SIGLEC1: variants seen among roughly 807,000 people sequenced by gnomAD.
SIGLEC1 encodes the protein sialoadhesin.
A neutral mutation model predicts 148.0 loss-of-function variants in SIGLEC1; 132 were observed. That is an observed-to-expected ratio of 0.89 (90% confidence interval 0.77 to 1.03). The LOEUF (loss-of-function observed/expected upper bound fraction) is 1.03. SIGLEC1 is among the 50% of genes least tolerant of loss of function. The probability of loss-of-function intolerance (pLI) is 0.00; values close to 1 mark genes in which losing one functional copy is unlikely to be tolerated. For missense variants in SIGLEC1, 2,253 were observed against 2,271.4 expected (o/e 0.99, Z 0.16); for synonymous variants, 945 against 969.0 (o/e 0.98, Z 0.46).
At chr20:3,706,984 A>C in intron 2 of SIGLEC1, 96 bp downstream of exon 2, 2 of 1,371,224 alleles carry the variant, frequency 1.5e-6, no homozygotes, top group Non-Finnish European at 2.1e-6. Flanking sequence ...TGACCTCAGC[A>C]ACCAAACATG....
chr20:3,691,805 C>G (rs1449711130), intron 17 of SIGLEC1, 98 bp downstream of exon 17: 1 of 1,430,548 alleles, frequency 7.0e-7, no homozygotes, highest in Non-Finnish European at 9.5e-7. Flanking sequence ...AGAGCTTTCT[C>G]AGACCAGACA....
chr20:3,697,208 G>A lies in SIGLEC1; in HGVS notation c.2257C>T (p.Gln753Ter), dbSNP rs1359036149. ...AGTGTCACGGTCTCCAGGGGACCCTGGGCCCACAGCACCCCATTTCGGAAC... is the reference window on the plus strand; with the variant it reads ...AGTGTCACGGTCTCCAGGGGACCCTAGGCCCACAGCACCCCATTTCGGAAC... ...SWFRNGVLWA[Q>*]GPLETVTLLP... The change falls in exon 10 of 22, where the codon CAG becomes TAG. Residue 753 changes from glutamine to a stop codon, truncating the protein, a stop_gained. Coordinates refer to ENST00000344754, the MANE Select transcript of SIGLEC1 (RefSeq NM_023068.4). LOFTEE classifies it high-confidence loss of function. 1.2e-6 allele frequency: 2 copies of A among 1,613,924 alleles called. No individual in the cohort carries two copies. The highest frequency in any genetic ancestry group is 1.7e-6 in the Non-Finnish European group (2 of 1,180,032).
rs61734522 is a variant in SIGLEC1, at chr20:3,693,662, C to A, written c.3293G>T (p.Arg1098Leu). The change falls in exon 14 of 22, where the codon CGG becomes CTG. Residue 1098 changes from arginine to leucine, a missense_variant. Physicochemically the swap from Arg to Leu is moderately radical, Grantham distance 102. Coordinates refer to ENST00000344754, the MANE Select transcript of SIGLEC1 (RefSeq NM_023068.4). ...GGTCAGGTTCACCAGCTGCCCCTCC[C>A]GCACGGTAGCCCCGGGCCACACCTG... ...NVQVWPGATV[R>L]EGQLVNLTCL... 1.2e-6 allele frequency: 2 copies of A among 1,605,884 alleles called. No individual in the cohort carries two copies. The highest frequency in any genetic ancestry group is 1.1e-5 in the South Asian group (1 of 89,522).
intron 21 of SIGLEC1, 32 bp downstream of exon 21, chr20:3,689,123 A>C: frequency 1.9e-6 from 3 of 1,570,350 alleles, no homozygotes; most frequent in African/African-American, 1.5e-5. Context: ...TTAGCTGGGT[A>C]TTATATCTGC....
chr20:3,696,441 G>T, intron 11 of SIGLEC1, 145 bp downstream of exon 11: 2 of 453,904 alleles, frequency 4.4e-6, no homozygotes, highest in Non-Finnish European at 3.4e-6. Flanking sequence ...GGCAAAGGGA[G>T]GCCTTCTGCT....
intron 3 of SIGLEC1, 46 bp downstream of exon 3, chr20:3,706,301 C>T (rs762987792): frequency 6.4e-7 from 1 of 1,567,174 alleles, no homozygotes; most frequent in Non-Finnish European, 8.6e-7. Context: ...CCAGAAGCAG[C>T]TTGGGAATCC....
chr20:3,691,697 A>T lies in SIGLEC1; in HGVS notation c.4331-97T>A. The T allele has an allele frequency of 2.0e-6, 3 of 1,490,446 alleles. 1 individual carries two copies. In the South Asian group the frequency reaches 3.8e-5, roughly 19 times the overall value. 92.3% of individuals were successfully genotyped at this position (1,490,446 alleles called of 1,614,324 possible). A position where few individuals can be genotyped will look rare whatever the true frequency, so the allele number is the denominator to read the frequency against. On this transcript the variant is annotated intron_variant, in intron 17 of 21. Transcript: ENST00000344754. Reference sequence around the variant, plus strand: ...CTGAGGGGCCTCTGCACATTGTGGGAAGGTCTCAGTCTGACTTGGTATAGG... The same window carrying T: ...CTGAGGGGCCTCTGCACATTGTGGGTAGGTCTCAGTCTGACTTGGTATAGG...
intron 1 of SIGLEC1, among the ~76,000 whole-genome samples, chr20:3,709,991 G>A (rs1335467439): frequency 6.6e-6 from 1 of 152,176 alleles, no homozygotes; most frequent in Non-Finnish European, 1.5e-5. Flanking sequence ...ACACAATATT[G>A]CAAATGTACC....
Position 3,701,390 on chromosome 20 carries a change from T to A in SIGLEC1, c.1480A>T (p.Thr494Ser). The change falls in exon 7 of 22, where the codon ACC becomes TCC. Residue 494 changes from threonine to serine, a missense_variant. By Grantham distance (58) the Thr-to-Ser change is moderately conservative. Transcript: ENST00000344754. ...GAGGTTGCATTTCCAAGGGAGTTGG[T>A]GGCTGAGCACTTGTACTCCCCACTG... is the stretch of plus-strand genomic sequence containing the variant. ...TDSGEYKCSATNSLGNATSTL... is the reference protein window; with the variant it reads ...TDSGEYKCSASNSLGNATSTL... 6.2e-7 allele frequency: 1 copy of A among 1,614,014 alleles called. No individual in the cohort carries two copies. Among genetic ancestry groups the A allele is most frequent in the South Asian group, 1.1e-5 (1 of 91,080 alleles).
Position 3,699,268 on chromosome 20 carries a change from G to A in SIGLEC1, c.1720C>T (p.His574Tyr). The change falls in exon 8 of 22, where the codon CAC (histidine) becomes TAC (tyrosine). Residue 574 changes from histidine (H) to tyrosine (Y), a missense_variant. Transcript: ENST00000344754. ...AASSTDAGSY[H>Y]CRARDGHSAS... ...CTGTGGCCGTCCCGGGCCCGGCAGT[G>A]GTATGAGCCGGCGTCAGTGCTGGAG... 6.2e-7 allele frequency: 1 copy of A among 1,609,452 alleles called. No individual in the cohort carries two copies. The highest frequency in any genetic ancestry group is 2.2e-5 in the East Asian group (1 of 44,752).
intron 8 of SIGLEC1, 112 bp from the exon 9 acceptor site, chr20:3,698,245 A>G (rs1442487889): frequency 5.1e-6 from 5 of 979,950 alleles, no homozygotes; most frequent in Non-Finnish European, 6.0e-6. Context: ...GGCTGCCCCA[A>G]GCAGCTGTGC....
In SIGLEC1 at chr20:3,689,156, T is replaced by C; in HGVS notation, c.5069A>G (p.Gln1690Arg). ...TGCCCGTGTGTGTTGAATGGATACC[T>C]GCGTGGTCTCTTTCTGAAAAGCCAT... ...VEMAFQKETT[Q>R]LIDPDAATCE... Residue 1690 changes from glutamine to arginine, a missense_variant and splice_region_variant, in exon 21 of 22, where the codon CAG becomes CGG. By Grantham distance (43) the Gln-to-Arg change is conservative (BLOSUM62 1). Coordinates refer to ENST00000344754, the MANE Select transcript of SIGLEC1 (RefSeq NM_023068.4). 1.2e-6 allele frequency: 2 copies of C among 1,613,452 alleles called. No homozygotes were observed. The highest frequency in any genetic ancestry group is 1.7e-6 in the Non-Finnish European group (2 of 1,179,320).
Position 3,703,889 on chromosome 20 carries a change from G to A in SIGLEC1, c.909C>T (p.Tyr303=), listed in dbSNP as rs762556417. 19 of 1,614,086 alleles carry A rather than the reference G, an allele frequency of 1.2e-5. No individual in the cohort carries two copies. Among genetic ancestry groups the A allele is most frequent in the East Asian group, 4.5e-5 (2 of 44,880 alleles). ...CCACGCCGTTCTCAGCTTGGCAGGT[G>A]TAGACGCCAGCATCGCTCCAGGCTG... The part of the protein sequence containing the change: ...PQAAWSDAGV[Y]TCQAENGVGS... Residue 303 remains tyrosine (Y), a synonymous_variant, in exon 5 of 22, where the codon TAC becomes TAT. Coordinates refer to ENST00000344754, the MANE Select transcript of SIGLEC1 (RefSeq NM_023068.4).
At chr20:3,704,812 C>T (rs2087880504) in intron 4 of SIGLEC1, among the ~76,000 whole-genome samples, 1 of 152,006 alleles carries the variant, frequency 6.6e-6, no homozygotes, top group Middle Eastern at 3.4e-3. Flanking sequence ...TTTGTAGAGA[C>T]AGGGTCTCAC....
rs2087896287 is a variant in SIGLEC1 at position 3,706,517 on chromosome 20, T to C, written c.239A>G (p.Glu80Gly). 6.2e-7 allele frequency: 1 copy of C among 1,613,230 alleles called. No individual in the cohort carries two copies. The highest frequency in any genetic ancestry group is 8.5e-7 in the Non-Finnish European group (1 of 1,180,000). Residue 80 changes from glutamate (E) to glycine (G), a missense_variant, in exon 3 of 22, where the codon GAG becomes GGG. Coordinates refer to ENST00000344754, the MANE Select transcript of SIGLEC1 (RefSeq NM_023068.4). ...VSHSADPKLV[E>G]ARFRGRTEFM... ...CTCGGTGCGGCCGCGGAAGCGGGCC[T>C]CCACCAGCTTGGGGTCCGCCGAGTG...
At chr20:3,696,307 C>A (rs941818894) in intron 11 of SIGLEC1, among the ~76,000 whole-genome samples, 3 of 152,000 alleles carry the variant, frequency 2.0e-5, no homozygotes, top group African/African-American at 7.3e-5. Flanking sequence ...TACTATGTAA[C>A]AAAATTATAT....
intron 17 of SIGLEC1, 107 bp downstream of exon 17, chr20:3,691,796 G>T: frequency 7.1e-7 from 1 of 1,410,594 alleles, no homozygotes; most frequent in Non-Finnish European, 9.6e-7. Flanking sequence ...TCTCAAGGCA[G>T]AGCTTTCTCA....
At chr20:3,688,771 C>T (rs2088724682) in intron 21 of SIGLEC1, 152 bp from the exon 22 acceptor site, 2 of 627,366 alleles carry the variant, frequency 3.2e-6, no homozygotes, top group Admixed American at 5.9e-5. Flanking sequence ...GGTGAATCAG[C>T]TGCAGAAGGG....
intron 8 of SIGLEC1, 89 bp from the exon 9 acceptor site, chr20:3,698,222 G>A: frequency 8.4e-7 from 1 of 1,189,792 alleles, no homozygotes; most frequent in Non-Finnish European, 1.2e-6. Context: ...ACTGGACAAA[G>A]GCAGATCCCG....
Sources: gnomAD v4.1 joint callset for allele counts (sites outside exome capture counted in the v4.1 genomes callset) on GRCh38, gnomAD v4.1.1 for gene constraint, MANE v1.5 for transcripts, NCBI Gene and HGNC (gene_info 2026-07-23, HGNC 2026-07-21) for gene names.